The following ANKRD17 variants were observed in gnomAD, a reference collection of about 807,000 sequenced individuals.
ANKRD17 encodes ankyrin repeat domain 17.
ANKRD17 carries 19 observed loss-of-function variants against 229.7 expected under a neutral mutation model. The observed-to-expected ratio is 0.08, with a 90% CI of 0.06 to 0.12. The LOEUF (loss-of-function observed/expected upper bound fraction) is 0.12, where lower values mean the gene tolerates loss of function less well. ANKRD17 is among the 10% of genes least tolerant of loss of function. The pLI, the probability that ANKRD17 is intolerant of heterozygous loss-of-function variation, is 1.00. For synonymous variants in ANKRD17, 1,112 were observed against 1,146.1 expected (o/e 0.97, Z 0.60); for missense variants, 2,176 against 3,176.8 (o/e 0.68, Z 7.57).
At chr4:73,154,239 A>C in intron 5 of ANKRD17, 126 bp from the exon 6 acceptor site, 1 of 407,944 alleles carries the variant, frequency 2.5e-6, no homozygotes, top group Non-Finnish European at 4.1e-6. Flanking sequence ...TTACATATAC[A>C]TATATGTAAA....
intron 1 of ANKRD17, among the ~76,000 whole-genome samples, chr4:73,240,513 T>C (rs1278538552): frequency 1.3e-5 from 2 of 149,914 alleles, no homozygotes; most frequent in Non-Finnish European, 3.0e-5. Flanking sequence ...TAGTCCCAGA[T>C]ACTTGGGAGG....
chr4:73,105,309 T>C, intron 24 of ANKRD17, among the ~76,000 whole-genome samples: 1 of 151,248 alleles, frequency 6.6e-6, no homozygotes, highest in Non-Finnish European at 1.5e-5. Context: ...GGTGTAACTG[T>C]GTGTGTGTGT....
chr4:73,161,116 G>T, intron 3 of ANKRD17, 76 bp downstream of exon 3: 2 of 1,529,772 alleles, frequency 1.3e-6, no homozygotes, highest in Non-Finnish European at 8.9e-7. Flanking sequence ...CAAAATAAAT[G>T]CTCAGTAAAT....
chr4:73,139,806 A>T lies in ANKRD17; in HGVS notation c.2810T>A (p.Leu937His), dbSNP rs367902785. The T allele has an allele frequency of 6.2e-7, 1 of 1,614,228 alleles. No individual in the cohort carries two copies. The highest frequency in any genetic ancestry group is 2.2e-5 in the East Asian group (1 of 44,880). Residue 937 changes from leucine to histidine, a missense_variant, in exon 15 of 34, where the codon CTT (leucine) becomes CAT (histidine). Leu to His is a moderately conservative substitution (Grantham distance 99). Transcript: ENST00000358602. Reference sequence around the variant, plus strand: ...AGCAGTCTGCTGGGGTTCATCTTTAAGTAAAACAGGATCCACTTGCTGTAA... The same window carrying T: ...AGCAGTCTGCTGGGGTTCATCTTTATGTAAAACAGGATCCACTTGCTGTAA... ...ARLQQVDPVL[L>H]KDEPQQTAAQ...
intron 2 of ANKRD17, among the ~76,000 whole-genome samples, chr4:73,165,412 A>T (rs1169011918): frequency 1.3e-5 from 2 of 152,234 alleles, no homozygotes; most frequent in African/African-American, 4.8e-5. Context: ...ACTACATAAA[A>T]GCATTAAGTG....
At chr4:73,103,386 T>A (rs1724231009) in intron 24 of ANKRD17, among the ~76,000 whole-genome samples, 1 of 152,172 alleles carries the variant, frequency 6.6e-6, no homozygotes, top group South Asian at 2.1e-4. Context: ...ATGGTGACTT[T>A]CAATTTTACT....
chr4:73,230,389 G>T (rs1169673873), intron 1 of ANKRD17, among the ~76,000 whole-genome samples: 2 of 151,538 alleles, frequency 1.3e-5, no homozygotes, highest in African/African-American at 4.9e-5. Flanking sequence ...CAATTGTTTT[G>T]TAAGATCATC....
intron 1 of ANKRD17, among the ~76,000 whole-genome samples, chr4:73,216,820 G>T (rs942519006): frequency 4.6e-5 from 7 of 152,142 alleles, no homozygotes; most frequent in African/African-American, 1.2e-4. Flanking sequence ...TTCCATCCAA[G>T]ACTAAATTAT....
At chr4:73,222,553 C>T (rs919182079) in intron 1 of ANKRD17, among the ~76,000 whole-genome samples, 4 of 152,068 alleles carry the variant, frequency 2.6e-5, no homozygotes, top group East Asian at 1.9e-4. Context: ...CTAAAATAAC[C>T]GTTTTTAATA....
chr4:73,177,650 T>C (rs1734914338), intron 1 of ANKRD17, 117 bp from the exon 2 acceptor site: 9 of 739,806 alleles, frequency 1.2e-5, no homozygotes, highest in African/African-American at 1.8e-5. Context: ...TAATTAACAA[T>C]GGTAAACACA....
At chr4:73,110,361 T>A (rs920658224) in intron 24 of ANKRD17, among the ~76,000 whole-genome samples, 1 of 152,270 alleles carries the variant, frequency 6.6e-6, no homozygotes, top group Non-Finnish European at 1.5e-5. Flanking sequence ...GATCTCTTTT[T>A]CTTTTGTAGA....
At chr4:73,122,103 T>C (rs1726819796) in intron 18 of ANKRD17, among the ~76,000 whole-genome samples, 1 of 152,204 alleles carries the variant, frequency 6.6e-6, no homozygotes, top group African/African-American at 2.4e-5. Flanking sequence ...TTTCGTATTA[T>C]ACATGTGAAT....
intron 18 of ANKRD17, 103 bp from the exon 19 acceptor site, chr4:73,121,862 G>A (rs1290565476): frequency 5.0e-6 from 6 of 1,195,952 alleles, no homozygotes; most frequent in South Asian, 1.9e-5. Context: ...AATAAAAGAA[G>A]GGGAAAGTTC....
chr4:73,144,014 T>C (rs1280596616), intron 11 of ANKRD17, among the ~76,000 whole-genome samples: 3 of 152,176 alleles, frequency 2.0e-5, no homozygotes, highest in Non-Finnish European at 2.9e-5. Context: ...GAGCTGAGAT[T>C]ACAAGGGTGA....
rs1489770492 is a variant in ANKRD17, at chr4:73,147,389, G to A, written c.1611C>T (p.Ala537=). The change falls in exon 9 of 34, where the codon GCC becomes GCT. Residue 537 remains alanine, a synonymous_variant. Coordinates refer to ENST00000358602, the MANE Select transcript of ANKRD17 (RefSeq NM_032217.5). The stretch of plus-strand genomic sequence containing the variant: ...AGCCTCCACAGCAAGCCAGAGTCAA[G>A]GCAGTTTCTTGAGTTTCTTCTGTCT... The part of the protein sequence containing the change: ...NAQTEETQET[A]LTLACCGGFL... 2 of 1,598,382 alleles carry A rather than the reference G, an allele frequency of 1.3e-6. No homozygotes were observed. Among genetic ancestry groups the A allele is most frequent in the South Asian group, 1.1e-5 (1 of 87,934 alleles).
chr4:73,182,305 G>GTT (rs1735690096), intron 1 of ANKRD17, among the ~76,000 whole-genome samples: 1 of 151,920 alleles, frequency 6.6e-6, no homozygotes, highest in South Asian at 2.1e-4. Context: ...ATGAAATGAT[G>GTT]TTTAGGCATA....
chr4:73,177,651 G>T, intron 1 of ANKRD17, 118 bp from the exon 2 acceptor site: 1 of 725,094 alleles, frequency 1.4e-6, no homozygotes, highest in Non-Finnish European at 2.2e-6. Context: ...AATTAACAAT[G>T]GTAAACACAG....
intron 3 of ANKRD17, among the ~76,000 whole-genome samples, chr4:73,156,628 GCTCT>G (rs372964163): frequency 6.6e-6 from 1 of 150,926 alleles, no homozygotes; most frequent in Non-Finnish European, 1.5e-5. Context: ...TACCCACTTT[GCTCT>G]CTCTCTCTCT....
chr4:73,130,613 T>G (rs1223600324), intron 16 of ANKRD17, among the ~76,000 whole-genome samples: 1 of 151,658 alleles, frequency 6.6e-6, no homozygotes, highest in Non-Finnish European at 1.5e-5. Context: ...AAGATCTATT[T>G]TTTTTTTTTC....
Sources: gnomAD v4.1 joint callset for allele counts (sites outside exome capture counted in the v4.1 genomes callset) on GRCh38, gnomAD v4.1.1 for gene constraint, MANE v1.5 for transcripts, NCBI Gene and HGNC (gene_info 2026-07-23, HGNC 2026-07-21) for gene names.